RBKS: variants seen among roughly 807,000 people sequenced by gnomAD.
RBKS encodes ribokinase.
Under a neutral mutation model 33.9 loss-of-function variants are expected in RBKS, and 33 were observed. That is an observed-to-expected ratio of 0.97 (90% confidence interval 0.74 to 1.30). The LOEUF (loss-of-function observed/expected upper bound fraction) is 1.30, where lower values mean the gene tolerates loss of function less well. RBKS is among the 50% of genes most tolerant of loss of function. RBKS has a pLI of 0.00. For synonymous variants in RBKS, 125 were observed against 143.0 expected (o/e 0.87, Z 0.90); for missense variants, 361 against 392.6 (o/e 0.92, Z 0.68).
intron 3 of RBKS, 123 bp from the exon 4 acceptor site, chr2:27,847,227 T>G: frequency 1.8e-6 from 1 of 542,966 alleles, no homozygotes; most frequent in Non-Finnish European, 3.3e-6. Context: ...TCTGGAATGA[T>G]AAAAAAAAAT....
intron 7 of RBKS, among the ~76,000 whole-genome samples, chr2:27,811,264 G>A (rs986637388): frequency 6.6e-6 from 1 of 152,152 alleles, no homozygotes; most frequent in Non-Finnish European, 1.5e-5. Context: ...TAGCTGTATG[G>A]ACTATGCACT....
At chr2:27,823,226 AG>A (rs1678246109) in intron 7 of RBKS, among the ~76,000 whole-genome samples, 1 of 152,228 alleles carries the variant, frequency 6.6e-6, no homozygotes, top group Non-Finnish European at 1.5e-5. Flanking sequence ...AACTGAGCTG[AG>A]GACATCTGCA....
intron 7 of RBKS, among the ~76,000 whole-genome samples, chr2:27,801,860 C>T (rs922212403): frequency 5.4e-5 from 8 of 148,386 alleles, no homozygotes; most frequent in African/African-American, 1.7e-4. Flanking sequence ...GTTTTTGACA[C>T]AGGGTCTCAC....
At chr2:27,784,294 T>C (rs1677357244) in intron 7 of RBKS, among the ~76,000 whole-genome samples, 1 of 152,184 alleles carries the variant, frequency 6.6e-6, no homozygotes, top group Non-Finnish European at 1.5e-5. Flanking sequence ...CTCAGGGTCA[T>C]TTTCTACCTC....
chr2:27,841,338 A>C (rs1311162349), intron 5 of RBKS, among the ~76,000 whole-genome samples: 1 of 152,238 alleles, frequency 6.6e-6, no homozygotes, highest in Admixed American at 6.5e-5. Flanking sequence ...AAGGGATAGT[A>C]GGAAAAAAAG....
intron 7 of RBKS, among the ~76,000 whole-genome samples, chr2:27,802,686 C>T (rs1332793927): frequency 6.6e-6 from 1 of 152,158 alleles, no homozygotes; most frequent in Non-Finnish European, 1.5e-5. Flanking sequence ...TACCTCCCTG[C>T]TTTCCTCACT....
chr2:27,876,953 CTT>C (rs755348255), intron 1 of RBKS, among the ~76,000 whole-genome samples: 13 of 152,120 alleles, frequency 8.5e-5, no homozygotes, highest in Non-Finnish European at 1.5e-4. Context: ...CTTTTGAACA[CTT>C]TGTCTCTTGC....
intron 1 of RBKS, among the ~76,000 whole-genome samples, chr2:27,874,500 A>G (rs1273669888): frequency 1.3e-5 from 2 of 152,224 alleles, no homozygotes; most frequent in Non-Finnish European, 2.9e-5. Context: ...CATGTGACAC[A>G]ACACGTCGTC....
At chr2:27,888,978 G>A (rs1489054143) in intron 1 of RBKS, among the ~76,000 whole-genome samples, 1 of 152,210 alleles carries the variant, frequency 6.6e-6, no homozygotes, top group Admixed American at 6.5e-5. Context: ...TTGGCACAGT[G>A]TCTGACAGAA....
intron 7 of RBKS, among the ~76,000 whole-genome samples, chr2:27,790,774 ATGGT>A (rs1322885727): frequency 1.3e-5 from 2 of 152,226 alleles, no homozygotes; most frequent in African/African-American, 4.8e-5. Context: ...GAAAGTACCA[ATGGT>A]TGGTGTAAAT....
chr2:27,802,454 GTA>G (rs1257636773), intron 7 of RBKS, among the ~76,000 whole-genome samples: 1 of 149,492 alleles, frequency 6.7e-6, no homozygotes, highest in African/African-American at 2.5e-5. Flanking sequence ...GTGTGTGTGT[GTA>G]TGTGTGTACG....
chr2:27,881,642 GC>G lies in RBKS; in HGVS notation c.89+8614del, dbSNP rs531874655. ...ATCCTAAGGAAAAAGAAAGCTGGAG[GC>G]ATCACACTACCTGACTTCAAACTAT... On this transcript the variant is annotated intron_variant, in intron 1 of 7. Transcript: ENST00000302188. Among the ~76,000 whole-genome samples, 339 of 152,152 alleles carry G rather than the reference GC, an allele frequency of 2.2e-3. 2 individuals are homozygous for G. Among genetic ancestry groups the G allele is most frequent in the African/African-American group, 7.9e-3 (326 of 41,528 alleles).
At chr2:27,841,794 T>C (rs1045720208) in intron 5 of RBKS, among the ~76,000 whole-genome samples, 1 of 151,938 alleles carries the variant, frequency 6.6e-6, no homozygotes, top group African/African-American at 2.4e-5. Flanking sequence ...TAGTTTTGTA[T>C]CTTGAGAAAT....
At chr2:27,863,028 T>C (rs925576977) in intron 1 of RBKS, among the ~76,000 whole-genome samples, 1 of 147,682 alleles carries the variant, frequency 6.8e-6, no homozygotes, top group Non-Finnish European at 1.5e-5. Context: ...TTTAACAGAG[T>C]GTCAAAGACA....
At chr2:27,800,714 G>T (rs899304797) in intron 7 of RBKS, among the ~76,000 whole-genome samples, 1 of 152,154 alleles carries the variant, frequency 6.6e-6, no homozygotes, top group African/African-American at 2.4e-5. Context: ...GAGACAAGGG[G>T]TTTATGCTGT....
intron 5 of RBKS, among the ~76,000 whole-genome samples, chr2:27,840,342 ACACACACACACACGCGCGCGCG>A (rs1156804950): frequency 3.7e-5 from 5 of 135,142 alleles, no homozygotes; most frequent in Non-Finnish European, 6.1e-5. Context: ...ACACACACAC[ACACACACACACACGCGCGCGCG>A]CACACACACA....
intron 1 of RBKS, among the ~76,000 whole-genome samples, chr2:27,882,203 G>A (rs1664430747): frequency 6.6e-6 from 1 of 151,862 alleles, no homozygotes; most frequent in South Asian, 2.1e-4. Context: ...GCACCTAAAA[G>A]GAACTTAAAC....
intron 7 of RBKS, among the ~76,000 whole-genome samples, chr2:27,798,127 G>A (rs979952665): frequency 2.0e-5 from 3 of 152,102 alleles, no homozygotes; most frequent in Non-Finnish European, 2.9e-5. Flanking sequence ...TTGGGACAGA[G>A]AGAAAAATGG....
chr2:27,828,999 CCTTTTGCCT>C (rs1678371367), intron 6 of RBKS, among the ~76,000 whole-genome samples: 1 of 152,158 alleles, frequency 6.6e-6, no homozygotes, highest in Non-Finnish European at 1.5e-5. Context: ...CTCAAGCAAT[CCTTTTGCCT>C]CAGCCTCCCA....
Sources: allele counts gnomAD v4.1 joint callset (sites outside exome capture counted in the v4.1 genomes callset), GRCh38; gene constraint gnomAD v4.1.1; transcripts MANE v1.5; gene names NCBI Gene and HGNC (gene_info 2026-07-23, HGNC 2026-07-21).